BDNF: variants seen among roughly 807,000 people sequenced by gnomAD.
The protein encoded by BDNF is brain derived neurotrophic factor, also known as neurotrophic factor BDNF precursor form.
In BDNF, 1 loss-of-function variant was observed where a neutral mutation model predicts 19.5. The observed-to-expected ratio is 0.05, with a 90% CI of 0.02 to 0.24. The LOEUF is 0.24. Ranked by LOEUF, BDNF falls within the 10% of genes least tolerant of loss-of-function variation. BDNF has a pLI of 1.00. For synonymous variants in BDNF, 100 were observed against 121.6 expected, an observed-to-expected ratio of 0.82 and a Z score of 1.17; for missense variants, 195 against 317.6, an observed-to-expected ratio of 0.61 and a Z score of 2.93.
intron 1 of BDNF, among the ~76,000 whole-genome samples, chr11:27,667,981 A>G (rs1000751572): frequency 6.6e-6 from 1 of 152,208 alleles, no homozygotes; most frequent in Non-Finnish European, 1.5e-5. Context: ...TCGGCACCAC[A>G]TCACACTTAT....
In BDNF at chr11:27,657,643, T is replaced by A. The variant is rs182639384; in HGVS notation, c.*178A>T. On this transcript the variant is annotated 3_prime_UTR_variant, in exon 2 of 2. Transcript: ENST00000356660. The surrounding 1 kb of genome is among the most constrained non-coding windows in gnomAD (Gnocchi z 5.0). ...GTTGTGCGCAAATGACTGTTTCCCT[T>A]CTGGTCATGGACATGTCCAATAAAT... 65 of 1,417,100 alleles carry A rather than the reference T, an allele frequency of 4.6e-5. No homozygotes were observed. The African/African-American group carries it at 8.2e-4, about 18-fold the overall frequency. 87.8% of individuals were successfully genotyped at this position (1,417,100 alleles called of 1,614,324 possible).
rs1021157759 is a variant in BDNF at position 27,674,455 on chromosome 11, C to T, written c.-21-15870G>A. 3 of 1,424,652 alleles carry T rather than the reference C, an allele frequency of 2.1e-6. No individual in the cohort carries two copies. In the African/African-American group the frequency reaches 4.3e-5, roughly 20 times the overall value. 88.3% of individuals were successfully genotyped at this position (1,424,652 alleles called of 1,614,324 possible). On this transcript the variant is annotated intron_variant, in intron 1 of 1. Transcript: ENST00000356660. ...CCAGCTCCCAGCTCTTCTGAAGTGT[C>T]ACGGTTCATTTCAACAGCACGAGTA...
At chr11:27,710,414 G>A (rs1192167280) in intron 1 of BDNF, among the ~76,000 whole-genome samples, 1 of 152,208 alleles carries the variant, frequency 6.6e-6, no homozygotes, top group Non-Finnish European at 1.5e-5. Flanking sequence ...TTAGTTTCTA[G>A]AGCTAGTATC....
chr11:27,712,349 T>C (rs1232656353), intron 1 of BDNF, among the ~76,000 whole-genome samples: 1 of 152,212 alleles, frequency 6.6e-6, no homozygotes, highest in Non-Finnish European at 1.5e-5. Flanking sequence ...TTGATACTTA[T>C]CATTATTTCA....
At chr11:27,698,473 T>G (rs1446289514) in intron 1 of BDNF, among the ~76,000 whole-genome samples, 1 of 152,122 alleles carries the variant, frequency 6.6e-6, no homozygotes, top group African/African-American at 2.4e-5. Context: ...GGCACACACG[T>G]TCATACAAAT....
chr11:27,672,162 T>C (rs1855481197), intron 1 of BDNF, among the ~76,000 whole-genome samples: 2 of 152,200 alleles, frequency 1.3e-5, no homozygotes, highest in Non-Finnish European at 2.9e-5. Context: ...ATTGTTATTA[T>C]GATAGAAAGT....
chr11:27,701,375 C>G (rs1310190932), upstream of BDNF: 7 of 1,052,258 alleles, frequency 6.7e-6, no homozygotes, highest in African/African-American at 1.7e-5. Context: ...CTCCCACACT[C>G]TATTATTTTT....
At chr11:27,690,134 G>A (rs1214716583) in intron 1 of BDNF, among the ~76,000 whole-genome samples, 2 of 152,148 alleles carry the variant, frequency 1.3e-5, no homozygotes, top group Non-Finnish European at 2.9e-5. Context: ...AGGCAATCCT[G>A]TATTAATATT....
At chr11:27,721,345 G>A in intron 1 of BDNF, 1 of 1,574,854 alleles carries the variant, frequency 6.3e-7, no homozygotes, top group Non-Finnish European at 8.7e-7. Flanking sequence ...GAAGAGCCGT[G>A]ATATGCCCGT....
At chr11:27,670,028 C>T (rs937028958) in intron 1 of BDNF, among the ~76,000 whole-genome samples, 1 of 152,138 alleles carries the variant, frequency 6.6e-6, no homozygotes, top group Non-Finnish European at 1.5e-5. Context: ...GCTACAGTAA[C>T]CAAAACAGCA....
intron 1 of BDNF, among the ~76,000 whole-genome samples, chr11:27,661,912 C>G (rs1853505173): frequency 6.6e-6 from 1 of 152,168 alleles, no homozygotes; most frequent in Non-Finnish European, 1.5e-5. Context: ...CATGCATGCC[C>G]CTTTCTCTAA....
rs374037133 is a variant in BDNF at position 27,676,210 on chromosome 11, T to C, written c.-21-17625A>G. 14 of 152,348 alleles carry C rather than the reference T, an allele frequency of 9.2e-5. 1 individual carries two copies. Among genetic ancestry groups the C allele is most frequent in the African/African-American group, 3.4e-4 (14 of 41,582 alleles). 9.4% of individuals were successfully genotyped at this position (152,348 alleles called of 1,614,324 possible). On this transcript the variant is annotated intron_variant, in intron 1 of 1. Transcript: ENST00000356660. ...GCTAGATTTTGGCAGTCCATTCTTA[T>C]GCCCAGGAATGACCTCTTGTGTAGA...
At chr11:27,674,096 T>G (rs1564960877) in intron 1 of BDNF, 2 of 1,611,088 alleles carry the variant, frequency 1.2e-6, no homozygotes, top group Non-Finnish European at 8.5e-7. Flanking sequence ...GTTTGTTAAA[T>G]TCCACTGAAA....
intron 1 of BDNF, among the ~76,000 whole-genome samples, chr11:27,672,356 C>T (rs560211278): frequency 1.2e-4 from 19 of 152,250 alleles, no homozygotes; most frequent in African/African-American, 4.3e-4. Flanking sequence ...ATACTGGAAA[C>T]GATATGACCA....
chr11:27,685,229 G>C (rs1188938982), intron 1 of BDNF, among the ~76,000 whole-genome samples: 3 of 152,082 alleles, frequency 2.0e-5, no homozygotes, highest in African/African-American at 7.2e-5. Flanking sequence ...ATTTTTGTGG[G>C]ATCAGTGGTG....
intron 1 of BDNF, among the ~76,000 whole-genome samples, chr11:27,670,852 T>C (rs1855237300): frequency 6.6e-6 from 1 of 152,190 alleles, no homozygotes; most frequent in African/African-American, 2.4e-5. Context: ...AGTGTGGCGA[T>C]TCCTCTAGGA....
chr11:27,675,992 G>A (rs1856047372), intron 1 of BDNF: 1 of 152,218 alleles, frequency 6.6e-6, no homozygotes, highest in African/African-American at 2.4e-5. Context: ...TCCCAAATGT[G>A]TGTGGCAAGT....
chr11:27,660,083 T>G, intron 1 of BDNF: 1 of 612,064 alleles, frequency 1.6e-6, no homozygotes, highest in Non-Finnish European at 2.2e-6. Context: ...ATGGCCATCA[T>G]GATATCCAAA....
At chr11:27,709,908 A>G (rs1364844296) in intron 1 of BDNF, among the ~76,000 whole-genome samples, 1 of 152,230 alleles carries the variant, frequency 6.6e-6, no homozygotes, top group Non-Finnish European at 1.5e-5. Flanking sequence ...GAACTAGATC[A>G]TTTGTAAGGT....
Sources: allele counts gnomAD v4.1 joint callset (sites outside exome capture counted in the v4.1 genomes callset), GRCh38; gene constraint gnomAD v4.1.1; non-coding constraint Gnocchi (gnomAD v3.1); transcripts MANE v1.5; gene names NCBI Gene and HGNC (gene_info 2026-07-23, HGNC 2026-07-21).